Variants in HELZ observed in about 807,000 individuals in gnomAD.
HELZ encodes helicase with zinc finger, also known as ATP-dependent RNA helicase with zinc finger domain.
HELZ carries 23 observed loss-of-function variants against 218.2 expected under a neutral mutation model. That is an observed-to-expected ratio of 0.11 (90% CI 0.08 to 0.15). The LOEUF (loss-of-function observed/expected upper bound fraction) is 0.15, where lower values mean the gene tolerates loss of function less well. Ranked by LOEUF, HELZ falls within the 10% of genes least tolerant of loss-of-function variation. HELZ has a pLI of 1.00. For synonymous variants in HELZ, 814 were observed against 829.4 expected (o/e 0.98, Z 0.32); for missense variants, 1,813 against 2,353.7 (o/e 0.77, Z 4.75).
intron 26 of HELZ, among the ~76,000 whole-genome samples, chr17:67,122,476 G>C (rs2037641350): frequency 6.6e-6 from 1 of 152,024 alleles, no homozygotes; most frequent in African/African-American, 2.4e-5. Context: ...AACCTGGGAG[G>C]CGGAGCTTGC....
At chr17:67,130,986 C>G (rs1305589019) in intron 23 of HELZ, among the ~76,000 whole-genome samples, 1 of 151,960 alleles carries the variant, frequency 6.6e-6, no homozygotes, top group African/African-American at 2.4e-5. Context: ...AACTCCTGGG[C>G]TCAAGCCTCT....
intron 9 of HELZ, 22 bp from the exon 10 acceptor site, chr17:67,190,377 G>A (rs776357299): frequency 9.1e-6 from 14 of 1,546,712 alleles, no homozygotes; most frequent in South Asian, 1.1e-5. Context: ...AGGAAAGACT[G>A]TTTTATCATA....
intron 28 of HELZ, among the ~76,000 whole-genome samples, chr17:67,112,649 A>G (rs1266580612): frequency 1.3e-5 from 2 of 152,256 alleles, no homozygotes; most frequent in Non-Finnish European, 2.9e-5. Context: ...AGCTGCTTAA[A>G]TAAAACTAGG....
At chr17:67,181,853 A>T (rs1440740350) in intron 12 of HELZ, among the ~76,000 whole-genome samples, 2 of 152,184 alleles carry the variant, frequency 1.3e-5, no homozygotes, top group Non-Finnish European at 2.9e-5. Context: ...TCCCTACTTC[A>T]TCTGAATTTG....
intron 17 of HELZ, among the ~76,000 whole-genome samples, chr17:67,157,309 A>G (rs2038873165): frequency 6.6e-6 from 1 of 152,242 alleles, no homozygotes; most frequent in Admixed American, 6.5e-5. Flanking sequence ...GGGGAAAAAA[A>G]GAAAGAAACT....
intron 31 of HELZ, 119 bp downstream of exon 31, chr17:67,107,050 G>T (rs1192886181): frequency 3.0e-6 from 3 of 984,838 alleles, no homozygotes; most frequent in African/African-American, 1.6e-5. Flanking sequence ...CCCAAGAAAG[G>T]ATTATCTTTA....
intron 13 of HELZ, among the ~76,000 whole-genome samples, chr17:67,168,005 CG>C (rs1482622420): frequency 6.6e-6 from 1 of 151,488 alleles, no homozygotes; most frequent in Non-Finnish European, 1.5e-5. Context: ...TTTTTTGAGA[CG>C]GAGTCTCACT....
At chr17:67,150,961 G>T in intron 18 of HELZ, 85 bp downstream of exon 18, 1 of 1,111,462 alleles carries the variant, frequency 9.0e-7, no homozygotes, top group Non-Finnish European at 1.3e-6. Flanking sequence ...GCCAGATTTG[G>T]CCCACACACT....
In HELZ at chr17:67,074,146, G is replaced by A. The variant is rs989926455; in HGVS notation, c.*4106C>T. 10 of 151,962 alleles carry A rather than the reference G, an allele frequency of 6.6e-5. No homozygotes were observed. The highest frequency in any genetic ancestry group is 4.4e-5 in the Non-Finnish European group (3 of 67,982). 9.4% of individuals were successfully genotyped at this position (151,962 alleles called of 1,614,324 possible). On this transcript the variant is annotated 3_prime_UTR_variant, in exon 33 of 33. Coordinates refer to ENST00000358691, the MANE Select transcript of HELZ (RefSeq NM_014877.4). ...CTTGAGATTCAGGAAGACATATAGC[G>A]CGGCAGTAGAAATTAAGGATTTTCA...
At chr17:67,093,260 T>C (rs1458193776) in intron 31 of HELZ, among the ~76,000 whole-genome samples, 2 of 152,030 alleles carry the variant, frequency 1.3e-5, no homozygotes, top group Non-Finnish European at 2.9e-5. Context: ...GGCTCAAATA[T>C]TAAATGCAAT....
intron 4 of HELZ, among the ~76,000 whole-genome samples, chr17:67,218,183 T>G (rs1191658726): frequency 1.3e-5 from 2 of 152,172 alleles, no homozygotes; most frequent in South Asian, 2.1e-4. Flanking sequence ...CCACCTGGCT[T>G]GGCCTCCCAA....
At chr17:67,231,287 T>C (rs924287970) in intron 3 of HELZ, among the ~76,000 whole-genome samples, 1 of 152,066 alleles carries the variant, frequency 6.6e-6, no homozygotes, top group African/African-American at 2.4e-5. Flanking sequence ...GTCTAAAAAT[T>C]AGTTAATAGA....
At chr17:67,115,153 T>C (rs1257177807) in intron 27 of HELZ, among the ~76,000 whole-genome samples, 1 of 152,040 alleles carries the variant, frequency 6.6e-6, no homozygotes, top group Non-Finnish European at 1.5e-5. Flanking sequence ...ATGAAAACTA[T>C]AGTATCGGAG....
intron 20 of HELZ, among the ~76,000 whole-genome samples, chr17:67,147,728 C>T (rs987607738): frequency 6.6e-6 from 1 of 151,470 alleles, no homozygotes; most frequent in African/African-American, 2.4e-5. Context: ...AAGCAAATCT[C>T]CTGCCTCGTC....
At chr17:67,150,916 G>A in intron 18 of HELZ, 130 bp downstream of exon 18, 1 of 705,950 alleles carries the variant, frequency 1.4e-6, no homozygotes, top group Non-Finnish European at 2.4e-6. Flanking sequence ...AAATAAATGA[G>A]CCAGTAAAAC....
chr17:67,168,569 T>G (rs1302293037), intron 13 of HELZ, among the ~76,000 whole-genome samples: 4 of 152,212 alleles, frequency 2.6e-5, no homozygotes, highest in Non-Finnish European at 5.9e-5. Context: ...TACCAGCAGA[T>G]TCTAGCCATA....
intron 13 of HELZ, among the ~76,000 whole-genome samples, chr17:67,168,657 T>C (rs2039220049): frequency 1.3e-5 from 2 of 152,220 alleles, no homozygotes; most frequent in African/African-American, 2.4e-5. Context: ...GCAGGTCTCA[T>C]GCAGGAATTA....
At chr17:67,191,650 G>T (rs1341308742) in intron 9 of HELZ, among the ~76,000 whole-genome samples, 3 of 150,984 alleles carry the variant, frequency 2.0e-5, no homozygotes, top group Admixed American at 2.0e-4. Context: ...AGATGGGGTT[G>T]CATGTTGGCC....
At chr17:67,160,822 C>T in intron 16 of HELZ, 75 bp downstream of exon 16, 1 of 1,100,290 alleles carries the variant, frequency 9.1e-7, no homozygotes. Flanking sequence ...CTTGCTAGCC[C>T]TCATTGTGTA....
Sources: gnomAD v4.1 joint callset for allele counts (sites outside exome capture counted in the v4.1 genomes callset) on GRCh38, gnomAD v4.1.1 for gene constraint, MANE v1.5 for transcripts, NCBI Gene and HGNC (gene_info 2026-07-23, HGNC 2026-07-21) for gene names.